NAP1L1: variants seen among roughly 807,000 people sequenced by gnomAD.
The protein encoded by NAP1L1 is nucleosome assembly protein 1 like 1.
In NAP1L1, 9 loss-of-function variants were observed where a neutral mutation model predicts 58.9. The ratio of observed to expected loss-of-function variants is 0.15; its 90% confidence interval spans 0.09 to 0.27. NAP1L1 has a LOEUF of 0.27. NAP1L1 is among the 10% of genes least tolerant of loss of function. The pLI, the probability that NAP1L1 is intolerant of heterozygous loss-of-function variation, is 1.00. For missense variants in NAP1L1, 302 were observed against 458.8 expected, an observed-to-expected ratio of 0.66 and a Z score of 3.12; for synonymous variants, 130 against 138.3, an observed-to-expected ratio of 0.94 and a Z score of 0.42.
intron 4 of NAP1L1, among the ~76,000 whole-genome samples, chr12:76,065,851 T>C (rs1264040100): frequency 1.3e-5 from 2 of 151,792 alleles, no homozygotes; most frequent in East Asian, 1.9e-4. Context: ...GGGAGAAGTA[T>C]GAAAGGATGC....
At chr12:76,056,752 C>A (rs991628112) in intron 6 of NAP1L1, 3 of 413,524 alleles carry the variant, frequency 7.3e-6, no homozygotes, top group Non-Finnish European at 1.4e-5. Context: ...GTGGCTCACG[C>A]TTGTAATCCC....
intron 11 of NAP1L1, among the ~76,000 whole-genome samples, chr12:76,052,791 T>A (rs1948904138): frequency 6.6e-6 from 1 of 152,192 alleles, no homozygotes; most frequent in Non-Finnish European, 1.5e-5. Context: ...ACAGTATAAG[T>A]GACTTAATAT....
chr12:76,039,119 T>C lies in NAP1L1; in HGVS notation c.*9310A>G, dbSNP rs984206434. 6.6e-6 allele frequency: 1 copy of C among 152,228 alleles called. No homozygotes were observed. Among genetic ancestry groups the C allele is most frequent in the Non-Finnish European group, 1.5e-5 (1 of 68,026 alleles). The allele number at this position is 152,228 out of a possible 1,614,324, so 9.4% of individuals were successfully genotyped here. A position where few individuals can be genotyped will look rare whatever the true frequency, so the allele number is the denominator to read the frequency against. The stretch of plus-strand genomic sequence containing the variant: ...GGATATCCTTGATCAAATAATCCTT[T>C]TCTAAATCAACTTATTTCGACATAT... On this transcript the variant is annotated 3_prime_UTR_variant, in exon 15 of 15. Transcript: ENST00000618691.
chr12:76,053,133 T>G, intron 10 of NAP1L1, 23 bp from the exon 11 acceptor site: 1 of 1,612,416 alleles, frequency 6.2e-7, no homozygotes, highest in Non-Finnish European at 8.5e-7. Flanking sequence ...GAAAAGAAAT[T>G]ACAATGAATA....
chr12:76,049,501 T>G (rs1323588582), intron 13 of NAP1L1: 1 of 1,535,732 alleles, frequency 6.5e-7, no homozygotes, highest in Non-Finnish European at 8.7e-7. Flanking sequence ...CTGCAGCTTT[T>G]GACTTCTTCA....
chr12:76,048,249 GAAAA>G lies in NAP1L1; in HGVS notation c.*176_*179del. ...ATTTGTGCATTCAACATAGCTGGCA[GAAAA>G]ACTAGTTAAAATGCTAGGTAGAACA... On this transcript the variant is annotated 3_prime_UTR_variant, in exon 15 of 15. Coordinates refer to ENST00000618691, the MANE Select transcript of NAP1L1 (RefSeq NM_004537.7). The G allele has an allele frequency of 1.7e-6, 1 of 578,382 alleles. No homozygotes were observed. The highest frequency in any genetic ancestry group is 3.0e-6 in the Non-Finnish European group (1 of 336,388). 35.8% of individuals were successfully genotyped at this position (578,382 alleles called of 1,614,324 possible). A position where few individuals can be genotyped will look rare whatever the true frequency, so the allele number is the denominator to read the frequency against.
chr12:76,082,512 C>CT (rs1022825640), intron 1 of NAP1L1, among the ~76,000 whole-genome samples: 11 of 152,164 alleles, frequency 7.2e-5, no homozygotes, highest in African/African-American at 2.7e-4. Context: ...ATAGTGAAAA[C>CT]TTTTAAATTT....
rs1184098174 is a variant in NAP1L1 at position 76,041,837 on chromosome 12, G to A, written c.*6592C>T. ...TCAAGGCTCCAGGTAAATGTTGGGAGATAGAAGGGATAACCTGAATAATGA... is the reference window on the plus strand; with the variant it reads ...TCAAGGCTCCAGGTAAATGTTGGGAAATAGAAGGGATAACCTGAATAATGA... On this transcript the variant is annotated 3_prime_UTR_variant, in exon 15 of 15. Coordinates refer to ENST00000618691, the MANE Select transcript of NAP1L1 (RefSeq NM_004537.7). 4 of 152,322 alleles carry A rather than the reference G, an allele frequency of 2.6e-5. No homozygotes were observed. Among genetic ancestry groups the A allele is most frequent in the South Asian group, 2.1e-4 (1 of 4,826 alleles). 9.4% of individuals were successfully genotyped at this position (152,322 alleles called of 1,614,324 possible). A position where few individuals can be genotyped will look rare whatever the true frequency, so the allele number is the denominator to read the frequency against.
chr12:76,067,902 T>C (rs1949755234), intron 3 of NAP1L1, among the ~76,000 whole-genome samples: 1 of 152,188 alleles, frequency 6.6e-6, no homozygotes, highest in Admixed American at 6.5e-5. Context: ...AAGTGAGTGA[T>C]CTGAATGTTT....
Position 76,055,107 on chromosome 12 carries a change from T to A in NAP1L1, c.559-17A>T, listed in dbSNP as rs370229492. 1.3e-6 allele frequency: 2 copies of A among 1,553,686 alleles called. No individual in the cohort carries two copies. Among genetic ancestry groups the A allele is most frequent in the Non-Finnish European group, 8.8e-7 (1 of 1,141,750 alleles). ...ATCGTGTTCCTTCAAATTAAAAAAA[T>A]AATAAAAATGAATAACATGGCATTC... On this transcript the variant is annotated splice_polypyrimidine_tract_variant and intron_variant, in intron 7 of 14. Transcript: ENST00000618691.
At chr12:76,061,685 A>G (rs1949424349) in intron 4 of NAP1L1, among the ~76,000 whole-genome samples, 1 of 152,334 alleles carries the variant, frequency 6.6e-6, no homozygotes, top group African/African-American at 2.4e-5. Context: ...AATCTGTGCA[A>G]CAGATACAAA....
Position 76,069,085 on chromosome 12 carries a change from A to G in NAP1L1, c.18-91T>C. 4.5e-6 allele frequency: 4 copies of G among 889,730 alleles called. No individual in the cohort carries two copies. The South Asian group carries it at 6.2e-5, about 14-fold the overall frequency. 55.1% of individuals were successfully genotyped at this position (889,730 alleles called of 1,614,324 possible). A position where few individuals can be genotyped will look rare whatever the true frequency, so the allele number is the denominator to read the frequency against. On this transcript the variant is annotated intron_variant, in intron 2 of 14. Coordinates refer to ENST00000618691, the MANE Select transcript of NAP1L1 (RefSeq NM_004537.7). ...CTTAAAATTCATTTTCAAAATTAGT[A>G]TCTCTTTCAAAGACATGAAATAGGA...
chr12:76,048,329 G>C lies in NAP1L1; in HGVS notation c.*100C>G. ...CTGTCCTTTAAAAAAAAATTACCTAGTCTACCAAGAAAATACAAAAACATA... is the reference window on the plus strand; with the variant it reads ...CTGTCCTTTAAAAAAAAATTACCTACTCTACCAAGAAAATACAAAAACATA... On this transcript the variant is annotated 3_prime_UTR_variant, in exon 15 of 15. Coordinates refer to ENST00000618691, the MANE Select transcript of NAP1L1 (RefSeq NM_004537.7). The C allele has an allele frequency of 7.3e-7, 1 of 1,377,280 alleles. No individual in the cohort carries two copies. Among genetic ancestry groups the C allele is most frequent in the Non-Finnish European group, 1.0e-6 (1 of 992,300 alleles). The allele number at this position is 1,377,280 out of a possible 1,614,324, so 85.3% of individuals were successfully genotyped here.
chr12:76,049,314 T>C, intron 13 of NAP1L1, 64 bp from the exon 14 acceptor site: 4 of 1,610,274 alleles, frequency 2.5e-6, no homozygotes, highest in Non-Finnish European at 3.4e-6. Flanking sequence ...GCTCATAATG[T>C]AGGGAAAATT....
intron 6 of NAP1L1, chr12:76,056,377 G>T: frequency 2.1e-6 from 1 of 477,040 alleles, no homozygotes; most frequent in Non-Finnish European, 3.7e-6. Context: ...TGACCAAGAT[G>T]TGTAGGAAAA....
chr12:76,081,060 A>C (rs979741613), intron 1 of NAP1L1, among the ~76,000 whole-genome samples: 10 of 123,874 alleles, frequency 8.1e-5, no homozygotes, highest in Admixed American at 7.1e-4. Flanking sequence ...CAGCCTCTAT[A>C]ACTGCAAGAA....
At position 76,050,667 on chromosome 12, in the gene NAP1L1, A is replaced by G; in HGVS notation, c.937-14T>C. 1 of 1,593,266 alleles carries G rather than the reference A, an allele frequency of 6.3e-7. No individual in the cohort carries two copies. Among genetic ancestry groups the G allele is most frequent in the Middle Eastern group, 1.7e-4 (1 of 5,926 alleles). On this transcript the variant is annotated splice_polypyrimidine_tract_variant and intron_variant, in intron 11 of 14. Coordinates refer to ENST00000618691, the MANE Select transcript of NAP1L1 (RefSeq NM_004537.7). The stretch of plus-strand genomic sequence containing the variant: ...AGCATCATCATCCTATTTTTAAAGG[A>G]AAACAAAAGCAGAAAATTTAGGAAT...
rs1948674476 is a variant in NAP1L1 at position 76,048,433 on chromosome 12, T to A, written c.1172A>T (p.Gln391Leu). 6.2e-7 allele frequency: 1 copy of A among 1,613,514 alleles called. No individual in the cohort carries two copies. The highest frequency in any genetic ancestry group is 8.5e-7 in the Non-Finnish European group (1 of 1,179,724). Reference protein sequence around the residue: ...KDQNPAECKQQ With the variant: ...KDQNPAECKQL The stretch of plus-strand genomic sequence containing the variant: ...CAAGGCCACATACATCCTGCTTCAC[T>A]GCTGCTTGCACTCTGCTGGGTTTTG... Residue 391 changes from glutamine (Q) to leucine (L), a missense_variant, in exon 15 of 15, where the codon CAG (glutamine) becomes CTG (leucine). Transcript: ENST00000618691.
rs375997066 is a variant in NAP1L1 at position 76,059,857 on chromosome 12, T to C, written c.370A>G (p.Ile124Val). ...FDKRFEIINA[I>V]YEPTEEECEW... ...CATTCTTCTTCCGTAGGTTCATAAA[T>C]TGCATTAATAATTTCAAATCGCTAA... The change falls in exon 6 of 15, where the codon ATT becomes GTT. Residue 124 changes from isoleucine (I) to valine (V), a missense_variant. By Grantham distance (29) the Ile-to-Val change is conservative. Coordinates refer to ENST00000618691, the MANE Select transcript of NAP1L1 (RefSeq NM_004537.7). 8.2e-6 allele frequency: 13 copies of C among 1,595,062 alleles called. No homozygotes were observed. The highest frequency in any genetic ancestry group is 4.1e-5 in the African/African-American group (3 of 73,634).
Sources: allele counts gnomAD v4.1 joint callset (sites outside exome capture counted in the v4.1 genomes callset), GRCh38; gene constraint gnomAD v4.1.1; transcripts MANE v1.5; gene names NCBI Gene and HGNC (gene_info 2026-07-23, HGNC 2026-07-21).